DIP2C: variants seen among roughly 807,000 people sequenced by gnomAD.
DIP2C encodes disco-interacting protein 2 homolog C.
In DIP2C, 33 loss-of-function variants were observed where a neutral mutation model predicts 192.4. The ratio of observed to expected loss-of-function variants is 0.17; its 90% CI spans 0.13 to 0.23. The LOEUF is 0.23. Ranked by LOEUF, DIP2C falls within the 10% of genes least tolerant of loss-of-function variation. The probability of loss-of-function intolerance (pLI) is 1.00; values close to 1 mark genes in which losing one functional copy is unlikely to be tolerated. For synonymous variants in DIP2C, 979 were observed against 864.1 expected (o/e 1.13, Z -2.33); for missense variants, 1,537 against 2,110.1 (o/e 0.73, Z 5.32).
At chr10:359,749 T>C (rs902576407) in intron 22 of DIP2C, among the ~76,000 whole-genome samples, 7 of 152,150 alleles carry the variant, frequency 4.6e-5, no homozygotes, top group African/African-American at 1.4e-4. Flanking sequence ...GCGCATCCTC[T>C]ATCTCTACCA....
intron 22 of DIP2C, among the ~76,000 whole-genome samples, chr10:360,646 A>T (rs1304245385): frequency 6.6e-6 from 1 of 151,994 alleles, no homozygotes; most frequent in African/African-American, 2.4e-5. Flanking sequence ...CGGGGGCAAT[A>T]TTCCCAGGGA....
chr10:497,602 A>G (rs1035549412), intron 1 of DIP2C, among the ~76,000 whole-genome samples: 1 of 152,222 alleles, frequency 6.6e-6, no homozygotes, highest in African/African-American at 2.4e-5. Flanking sequence ...AACCGTACGT[A>G]GTGAGGATCA....
intron 1 of DIP2C, among the ~76,000 whole-genome samples, chr10:522,865 G>A: frequency 6.6e-6 from 1 of 152,236 alleles, no homozygotes. Flanking sequence ...GGACCCTGGA[G>A]TGAGGATACA....
intron 1 of DIP2C, among the ~76,000 whole-genome samples, chr10:622,279 GA>G (rs1853901475): frequency 8.8e-6 from 1 of 113,546 alleles, no homozygotes; most frequent in Non-Finnish European, 1.9e-5. Context: ...GAGGGGGAGG[GA>G]GGAGGGGGAG....
At chr10:507,775 C>T (rs1040002362) in intron 1 of DIP2C, among the ~76,000 whole-genome samples, 3 of 152,210 alleles carry the variant, frequency 2.0e-5, no homozygotes, top group African/African-American at 7.2e-5. Context: ...GCCCAGTGCC[C>T]ATGTCCCACC....
At chr10:415,723 A>G in intron 7 of DIP2C, 46 bp downstream of exon 7, 2 of 1,607,606 alleles carry the variant, frequency 1.2e-6, no homozygotes, top group Non-Finnish European at 1.7e-6. Flanking sequence ...TGTTTACGGG[A>G]CCATAGGAGC....
At chr10:618,297 G>C (rs180902006) in intron 1 of DIP2C, among the ~76,000 whole-genome samples, 1 of 152,194 alleles carries the variant, frequency 6.6e-6, no homozygotes, top group Non-Finnish European at 1.5e-5. Context: ...ATGACCAAAG[G>C]AAAACTGGGT....
chr10:447,744 GT>G (rs1324487639), intron 3 of DIP2C, among the ~76,000 whole-genome samples: 1 of 114,690 alleles, frequency 8.7e-6, no homozygotes, highest in Non-Finnish European at 1.6e-5. Context: ...ATCACACACA[GT>G]AGGGCAGCAG....
In DIP2C at chr10:636,203, T is replaced by A. The variant is rs985398835; in HGVS notation, c.85+53291A>T. On this transcript the variant is annotated intron_variant, in intron 1 of 36. Coordinates refer to ENST00000280886, the MANE Select transcript of DIP2C (RefSeq NM_014974.3). The surrounding 1 kb of genome is among the most constrained non-coding windows in gnomAD (Gnocchi z 4.6). ...CACAAGTCGACAGAACACCAACGGCTCGTCGGCTCGTCGGCTCTTCCCGGC... is the reference window on the plus strand; with the variant it reads ...CACAAGTCGACAGAACACCAACGGCACGTCGGCTCGTCGGCTCTTCCCGGC... 6.6e-6 allele frequency among the ~76,000 whole-genome samples: 1 copy of A among 152,150 alleles called. No individual in the cohort carries two copies. The highest frequency in any genetic ancestry group is 2.1e-4 in the South Asian group (1 of 4,826).
intron 1 of DIP2C, among the ~76,000 whole-genome samples, chr10:576,220 C>CAGGCAGCTGCAGAAGGA (rs1850145537): frequency 6.6e-6 from 1 of 152,220 alleles, no homozygotes; most frequent in Non-Finnish European, 1.5e-5. Flanking sequence ...CTGGGACTCC[C>CAGGCAGCTGCAGAAGGA]AGGCAGCTGC....
intron 1 of DIP2C, among the ~76,000 whole-genome samples, chr10:526,021 C>T (rs569979859): frequency 5.9e-5 from 9 of 152,348 alleles, no homozygotes; most frequent in Admixed American, 2.0e-4. Flanking sequence ...CAACGCCTGG[C>T]GTGGATTTTC....
chr10:364,658 C>T, intron 19 of DIP2C, 76 bp from the exon 20 acceptor site: 1 of 1,484,636 alleles, frequency 6.7e-7, no homozygotes, highest in Non-Finnish European at 9.2e-7. Context: ...CTCCTGGGAG[C>T]ACGGCACCTG....
At chr10:578,672 C>G (rs1034897565) in intron 1 of DIP2C, among the ~76,000 whole-genome samples, 6 of 152,182 alleles carry the variant, frequency 3.9e-5, no homozygotes, top group African/African-American at 1.4e-4. Context: ...GGGCCCTATT[C>G]CTGTTGCCAT....
Position 447,590 on chromosome 10 carries a change from C to T in DIP2C, c.269-6594G>A, listed in dbSNP as rs572330818. ...TCACCCGTCGATAATCAGGATCACA[C>T]ACAGTGGGGCAGCAGGACCCACTCA... On this transcript the variant is annotated intron_variant, in intron 3 of 36. Coordinates refer to ENST00000280886, the MANE Select transcript of DIP2C (RefSeq NM_014974.3). Among the ~76,000 whole-genome samples, 780 of 148,752 alleles carry T rather than the reference C, an allele frequency of 5.2e-3. 9 individuals carry two copies. The highest frequency in any genetic ancestry group is 0.018 in the African/African-American group (714 of 39,036).
chr10:463,297 A>G (rs183173294), intron 3 of DIP2C, among the ~76,000 whole-genome samples: 1 of 152,222 alleles, frequency 6.6e-6, no homozygotes, highest in Non-Finnish European at 1.5e-5. Context: ...CAACTTCAGC[A>G]AAGTCTCAGG....
rs936876369 is a variant in DIP2C at position 545,168 on chromosome 10, T to C, written c.86-58638A>G. ...ATCCAACATGACTGGTGTTTTCCCT[T>C]TTTTTTTTTTTTTTTTTTTTTGAGT... is the stretch of plus-strand genomic sequence containing the variant. On this transcript the variant is annotated intron_variant, in intron 1 of 36. Transcript: ENST00000280886. Among the ~76,000 whole-genome samples, 415 of 128,696 alleles carry C rather than the reference T, an allele frequency of 3.2e-3. 5 individuals are homozygous for C. Among genetic ancestry groups the C allele is most frequent in the African/African-American group, 0.012 (349 of 30,270 alleles). The allele number at this position is 128,696 out of a possible 152,430, so 84.4% of individuals were successfully genotyped here.
At chr10:613,244 A>C (rs1853222118) in intron 1 of DIP2C, among the ~76,000 whole-genome samples, 1 of 152,248 alleles carries the variant, frequency 6.6e-6, no homozygotes, top group African/African-American at 2.4e-5. Context: ...CACCTGCTCC[A>C]AGCCAGTGAG....
chr10:549,296 T>C (rs1848468275), intron 1 of DIP2C, among the ~76,000 whole-genome samples: 1 of 152,086 alleles, frequency 6.6e-6, no homozygotes, highest in Admixed American at 6.5e-5. Flanking sequence ...ACCCCACAAG[T>C]AAGCTATGTC....
At chr10:456,771 C>T (rs1010143236) in intron 3 of DIP2C, among the ~76,000 whole-genome samples, 1 of 152,218 alleles carries the variant, frequency 6.6e-6, no homozygotes, top group Non-Finnish European at 1.5e-5. Flanking sequence ...CCTTCCACGA[C>T]GATTTTTGTT....
Sources: gnomAD v4.1 joint callset for allele counts (sites outside exome capture counted in the v4.1 genomes callset) on GRCh38, gnomAD v4.1.1 for gene constraint, Gnocchi (gnomAD v3.1) non-coding constraint, MANE v1.5 for transcripts, NCBI Gene and HGNC (gene_info 2026-07-23, HGNC 2026-07-21) for gene names.